The following ST18 variants were observed in gnomAD, a reference collection of about 807,000 sequenced individuals.
The protein encoded by ST18 is ST18 C2H2C-type zinc finger transcription factor.
In ST18, 50 loss-of-function variants were observed where a neutral mutation model predicts 110.0. The observed-to-expected ratio is 0.45, with a 90% confidence interval of 0.36 to 0.58. ST18 has a LOEUF of 0.58. ST18 is among the 20% of genes least tolerant of loss of function. The pLI is 0.00. For missense variants in ST18, 1,306 were observed against 1,280.1 expected (o/e 1.02, Z -0.31); for synonymous variants, 461 against 452.4 (o/e 1.02, Z -0.24).
chr8:52,259,655 C>G (rs2094625361), intron 2 of ST18, among the ~76,000 whole-genome samples: 1 of 152,086 alleles, frequency 6.6e-6, no homozygotes, highest in African/African-American at 2.4e-5. Context: ...TTATATTATG[C>G]CATGCGCTGT....
At chr8:52,262,044 G>A (rs55633137) in intron 2 of ST18, among the ~76,000 whole-genome samples, 8,602 of 152,216 alleles carry the variant, frequency 0.057, 824 homozygotes, top group African/African-American at 0.2. Flanking sequence ...CCAAGAGCGT[G>A]GCACCAGCAT....
chr8:52,133,432 C>T (rs1322258423), intron 19 of ST18, 131 bp from the exon 20 acceptor site: 7 of 997,234 alleles, frequency 7.0e-6, no homozygotes, highest in South Asian at 2.8e-5. Context: ...TGGAGGGAGG[C>T]GGGGTCACAC....
intron 8 of ST18, among the ~76,000 whole-genome samples, chr8:52,202,705 A>T (rs1232781104): frequency 2.0e-5 from 3 of 152,228 alleles, no homozygotes; most frequent in Non-Finnish European, 4.4e-5. Context: ...ATATGTCAAA[A>T]GACAAAGGAA....
At chr8:52,395,784 C>G (rs1034370699) in intron 2 of ST18, among the ~76,000 whole-genome samples, 1 of 152,198 alleles carries the variant, frequency 6.6e-6, no homozygotes, top group Non-Finnish European at 1.5e-5. Context: ...ACTGAAAGTA[C>G]TCTCCAACCT....
chr8:52,222,427 A>G (rs2087181148), intron 3 of ST18, among the ~76,000 whole-genome samples: 1 of 152,240 alleles, frequency 6.6e-6, no homozygotes, highest in Non-Finnish European at 1.5e-5. Flanking sequence ...CAGATGCATC[A>G]GCCCTCTGCC....
chr8:52,285,274 T>C (rs2095450612), intron 2 of ST18, among the ~76,000 whole-genome samples: 1 of 152,186 alleles, frequency 6.6e-6, no homozygotes, highest in African/African-American at 2.4e-5. Flanking sequence ...TCTTGGTCCT[T>C]TCCCCTTACA....
chr8:52,406,548 A>T (rs1181892860), intron 2 of ST18: 1 of 152,096 alleles, frequency 6.6e-6, no homozygotes, highest in Admixed American at 6.5e-5. Context: ...GTTAAACAGA[A>T]CCCCGAACAC....
intron 2 of ST18, among the ~76,000 whole-genome samples, chr8:52,290,624 T>C (rs1035579395): frequency 1.3e-5 from 2 of 152,122 alleles, no homozygotes; most frequent in African/African-American, 2.4e-5. Context: ...TCCTTCTCAG[T>C]GTGTCTCTAG....
chr8:52,327,022 C>T (rs1285609010), intron 2 of ST18, among the ~76,000 whole-genome samples: 1 of 152,200 alleles, frequency 6.6e-6, no homozygotes, highest in African/African-American at 2.4e-5. Context: ...AGCCCCACAG[C>T]CTTCATTTAA....
chr8:52,159,568 C>G lies in ST18; in HGVS notation c.1595-459G>C, dbSNP rs139195712. 3.3e-3 allele frequency among the ~76,000 whole-genome samples: 505 copies of G among 152,254 alleles called. 3 individuals carry two copies. The highest frequency in any genetic ancestry group is 0.02 in the Middle Eastern group (6 of 294). On this transcript the variant is annotated intron_variant, in intron 14 of 25. Transcript: ENST00000689386. ...CTTTCAATATTTGTTTTCACAATAA[C>G]AATTTCTACTTAGACATGGAATTGT... is the stretch of plus-strand genomic sequence containing the variant.
At position 52,330,330 on chromosome 8, in the gene ST18, G is replaced by A. The variant is rs570207657; in HGVS notation, c.-465+78998C>T. The stretch of plus-strand genomic sequence containing the variant: ...AGGCATTTTGCCAAAAGAGCCTGGC[G>A]TTAATTAATTAATACTAGGAAATCC... On this transcript the variant is annotated intron_variant, in intron 2 of 25. Transcript: ENST00000689386. 2.1e-4 allele frequency among the ~76,000 whole-genome samples: 32 copies of A among 152,324 alleles called. 1 individual carries two copies. The South Asian group carries it at 4.6e-3, about 22-fold the overall frequency.
chr8:52,118,107 C>T (rs910666260), intron 24 of ST18, among the ~76,000 whole-genome samples: 3 of 152,128 alleles, frequency 2.0e-5, no homozygotes, highest in African/African-American at 4.8e-5. Context: ...ATAAAAACTT[C>T]GATGCCACCA....
intron 8 of ST18, among the ~76,000 whole-genome samples, chr8:52,196,883 A>G (rs572979643): frequency 1.3e-5 from 2 of 152,316 alleles, no homozygotes; most frequent in African/African-American, 4.8e-5. Context: ...TACGTCTTCT[A>G]GGCACTGTGG....
intron 10 of ST18, among the ~76,000 whole-genome samples, chr8:52,170,559 C>T (rs1025294731): frequency 2.5e-4 from 38 of 151,852 alleles, no homozygotes; most frequent in African/African-American, 6.0e-4. Flanking sequence ...TTGTGGATTT[C>T]GGGAATTTTG....
intron 8 of ST18, among the ~76,000 whole-genome samples, chr8:52,198,389 G>A (rs961350074): frequency 1.3e-5 from 2 of 152,028 alleles, no homozygotes; most frequent in African/African-American, 2.4e-5. Context: ...CATAAATATA[G>A]GCTCCTTTTT....
At chr8:52,338,505 C>A (rs1813275446) in intron 2 of ST18, among the ~76,000 whole-genome samples, 1 of 152,092 alleles carries the variant, frequency 6.6e-6, no homozygotes, top group South Asian at 2.1e-4. Context: ...TTCACTGCAG[C>A]CTCGACCTCC....
intron 2 of ST18, among the ~76,000 whole-genome samples, chr8:52,399,352 C>T (rs1842161063): frequency 6.6e-6 from 1 of 151,346 alleles, no homozygotes; most frequent in African/African-American, 2.4e-5. Context: ...AGCTAGAGGA[C>T]TATTGATTCT....
chr8:52,336,297 G>A (rs551616720), intron 2 of ST18, among the ~76,000 whole-genome samples: 40 of 152,064 alleles, frequency 2.6e-4, no homozygotes, highest in Non-Finnish European at 2.1e-4. Context: ...TTACAGGTGC[G>A]CACCACCACA....
intron 2 of ST18, among the ~76,000 whole-genome samples, chr8:52,350,579 G>C (rs183166951): frequency 2.0e-5 from 3 of 152,200 alleles, no homozygotes; most frequent in African/African-American, 7.2e-5. Flanking sequence ...TTGAAAACTT[G>C]TTTTCAAAGT....
Sources: gnomAD v4.1 joint callset for allele counts (sites outside exome capture counted in the v4.1 genomes callset) on GRCh38, gnomAD v4.1.1 for gene constraint, MANE v1.5 for transcripts, NCBI Gene and HGNC (gene_info 2026-07-23, HGNC 2026-07-21) for gene names.